The following DISP2 variants were observed in gnomAD, a reference collection of about 807,000 sequenced individuals.
The protein encoded by DISP2 is protein dispatched homolog 2.
In DISP2, 59 loss-of-function variants were observed where a neutral mutation model predicts 95.5. That is an observed-to-expected ratio of 0.62 (90% CI 0.50 to 0.77). The LOEUF (loss-of-function observed/expected upper bound fraction) is 0.77. Ranked by LOEUF, DISP2 falls within the 30% of genes least tolerant of loss-of-function variation. The probability of loss-of-function intolerance (pLI) is 0.00; values close to 1 mark genes in which losing one functional copy is unlikely to be tolerated. For missense variants in DISP2, 1,752 were observed against 1,854.6 expected (o/e 0.94, Z 1.02); for synonymous variants, 827 against 815.0 (o/e 1.01, Z -0.25).
chr15:40,363,042 G>A (rs1056945210), intron 1 of DISP2, among the ~76,000 whole-genome samples: 1 of 152,020 alleles, frequency 6.6e-6, no homozygotes, highest in Non-Finnish European at 1.5e-5. Flanking sequence ...GGTGGCTCAC[G>A]CCTGTAATCC....
chr15:40,362,332 C>G (rs1743414857), intron 1 of DISP2, among the ~76,000 whole-genome samples: 1 of 152,244 alleles, frequency 6.6e-6, no homozygotes, highest in African/African-American at 2.4e-5. Flanking sequence ...TCTGTGACTT[C>G]TCCACTCACA....
chr15:40,368,753 G>C lies in DISP2; in HGVS notation c.2641G>C (p.Glu881Gln), dbSNP rs1889568514. Residue 881 changes from glutamate to glutamine, a missense_variant, in exon 8 of 8, where the codon GAG (glutamate) becomes CAG (glutamine). Physicochemically the swap from Glu to Gln is conservative, Grantham distance 29 (BLOSUM62 2). This residue lies in a region of DISP2 where 317 missense variants were observed against 394.9 expected (regional missense o/e 0.80). Coordinates refer to ENST00000267889, the MANE Select transcript of DISP2 (RefSeq NM_033510.3). Reference protein sequence around the residue: ...FLHCLKMMALEQGPDGTQDLG... With the variant: ...FLHCLKMMALQQGPDGTQDLG... ...GCACTGCCTGAAAATGATGGCTCTG[G>C]AGCAAGGCCCCGATGGCACCCAGGA... 6.2e-7 allele frequency: 1 copy of C among 1,613,758 alleles called. No homozygotes were observed. Among genetic ancestry groups the C allele is most frequent in the Non-Finnish European group, 8.5e-7 (1 of 1,180,040 alleles).
Position 40,374,014 on chromosome 15 carries a change from A to ATATATATATATAT in DISP2, c.*3696_*3697insTATATATATATAT, listed in dbSNP as rs1555400588. 3 of 104,204 alleles carry ATATATATATATAT rather than the reference A, an allele frequency of 2.9e-5. No individual in the cohort carries two copies. Among genetic ancestry groups the ATATATATATATAT allele is most frequent in the African/African-American group, 1.3e-4 (3 of 23,990 alleles). The allele number at this position is 104,204 out of a possible 1,614,324, so 6.5% of individuals were successfully genotyped here. On this transcript the variant is annotated 3_prime_UTR_variant, in exon 8 of 8. Transcript: ENST00000267889. ...GCGAGACTCCATCTTAAAAAAAAAA[A>ATATATATATATAT]ATATATATATATATATATGTAAACT... is the stretch of plus-strand genomic sequence containing the variant.
chr15:40,370,285 G>A lies in DISP2; in HGVS notation c.4173G>A (p.Arg1391=). ...QPDLPDVWLR[R]PSTHTSGYSS The stretch of plus-strand genomic sequence containing the variant: ...ACCTGCCAGATGTTTGGCTGCGCAG[G>A]CCCAGCACTCACACGTCAGGCTATA... The change falls in exon 8 of 8, where the codon AGG becomes AGA. Residue 1391 remains arginine, a synonymous_variant. Transcript: ENST00000267889. 2 of 1,554,118 alleles carry A rather than the reference G, an allele frequency of 1.3e-6. No homozygotes were observed. The highest frequency in any genetic ancestry group is 1.7e-6 in the Non-Finnish European group (2 of 1,149,248).
At chr15:40,362,454 T>G (rs924838175) in intron 1 of DISP2, among the ~76,000 whole-genome samples, 3 of 152,222 alleles carry the variant, frequency 2.0e-5, no homozygotes, top group African/African-American at 7.2e-5. Flanking sequence ...CTAGCACTCA[T>G]TCAACAAACA....
chr15:40,367,245 G>A lies in DISP2; in HGVS notation c.1133G>A (p.Gly378Asp), dbSNP rs1344778193. 6.2e-7 allele frequency: 1 copy of A among 1,613,958 alleles called. No homozygotes were observed. The highest frequency in any genetic ancestry group is 1.6e-4 in the Middle Eastern group (1 of 6,062). The stretch of plus-strand genomic sequence containing the variant: ...ACCTGTGCCCTCTACTACCACAGTG[G>A]CGCCTTGGTGCCCTCTTGTCTGGGA... ...LRTCALYYHSGALVPSCLGPG... is the reference protein window; with the variant it reads ...LRTCALYYHSDALVPSCLGPG... Residue 378 changes from glycine (G) to aspartate (D), a missense_variant, in exon 8 of 8, where the codon GGC becomes GAC. Physicochemically the swap from Gly to Asp is moderately conservative, Grantham distance 94 (BLOSUM62 -1). Around this residue, in one of 5 missense-constraint regions of DISP2, gnomAD observed 732 missense variants for 714.6 expected, o/e 1.02. Transcript: ENST00000267889.
In DISP2 at chr15:40,370,299, C is replaced by G; in HGVS notation, c.4187C>G (p.Thr1396Arg). Reference protein sequence around the residue: ...DVWLRRPSTHTSGYSS With the variant: ...DVWLRRPSTHRSGYSS ...TGGCTGCGCAGGCCCAGCACTCACA[C>G]GTCAGGCTATAGCAGCTGAGGGGGA... Residue 1396 changes from threonine to arginine, a missense_variant, in exon 8 of 8, where the codon ACG becomes AGG. Thr to Arg is a moderately conservative substitution (Grantham distance 71). This residue lies in a region of DISP2 where 347 missense variants were observed against 344.2 expected (regional missense o/e 1.01). Coordinates refer to ENST00000267889, the MANE Select transcript of DISP2 (RefSeq NM_033510.3). 1 of 1,544,176 alleles carries G rather than the reference C, an allele frequency of 6.5e-7. No individual in the cohort carries two copies. Among genetic ancestry groups the G allele is most frequent in the Non-Finnish European group, 8.7e-7 (1 of 1,144,454 alleles).
chr15:40,365,668 G>T lies in DISP2; in HGVS notation c.888G>T (p.Ser296=). 2 of 1,614,106 alleles carry T rather than the reference G, an allele frequency of 1.2e-6. No homozygotes were observed. The highest frequency in any genetic ancestry group is 3.3e-4 in the Middle Eastern group (2 of 6,062). The change falls in exon 7 of 8, where the codon TCG becomes TCT. Residue 296 remains serine (S), a synonymous_variant. Transcript: ENST00000267889. ...AGCTGGTGTTCATGTCCACCTCCTCGGGCAGCCTATGGAACCTGCATGCCA... is the reference window on the plus strand; with the variant it reads ...AGCTGGTGTTCATGTCCACCTCCTCTGGCAGCCTATGGAACCTGCATGCCA... ...YAKLVFMSTS[S]GSLWNLHAIH...
intron 5 of DISP2, 64 bp from the exon 6 acceptor site, chr15:40,365,083 C>T (rs577157460): frequency 6.3e-7 from 1 of 1,592,190 alleles, no homozygotes; most frequent in East Asian, 2.2e-5. Flanking sequence ...GGGGAGTGGT[C>T]TCTGGCCTCC....
chr15:40,369,262 C>T lies in DISP2; in HGVS notation c.3150C>T (p.Ser1050=), dbSNP rs773735244. ...TGTGCCCACACCCTGACCGCCTGAG[C>T]CGTGTGGCCTTCTCTCTGCGCCAGA... ...YHLCPHPDRL[S]RVAFSLRQTS... is the part of the protein sequence containing the mutation. Residue 1050 remains serine, a synonymous_variant, in exon 8 of 8, where the codon AGC becomes AGT. Transcript: ENST00000267889. 21 of 1,613,744 alleles carry T rather than the reference C, an allele frequency of 1.3e-5. No individual in the cohort carries two copies. The highest frequency in any genetic ancestry group is 1.7e-5 in the Non-Finnish European group (20 of 1,180,048).
At position 40,368,702 on chromosome 15, in the gene DISP2, TTCCCCTGG is replaced by T; in HGVS notation, c.2591_2598del (p.Phe864CysfsTer29). The stretch of plus-strand genomic sequence containing the variant: ...TGACCTCTGCTGCGGCCACTCGGAC[TTCCCCTGG>T]GCCCCCCAGTTTTTCCTGCACTGCC... On this transcript the variant is annotated frameshift_variant, in exon 8 of 8. Coordinates refer to ENST00000267889, the MANE Select transcript of DISP2 (RefSeq NM_033510.3). LOFTEE classifies it high-confidence loss of function. The T allele has an allele frequency of 6.2e-7, 1 of 1,613,152 alleles. No individual in the cohort carries two copies. The highest frequency in any genetic ancestry group is 8.5e-7 in the Non-Finnish European group (1 of 1,180,026).
Position 40,368,144 on chromosome 15 carries a change from G to C in DISP2, c.2032G>C (p.Gly678Arg). The change falls in exon 8 of 8, where the codon GGC becomes CGC. Residue 678 changes from glycine to arginine, a missense_variant. This residue lies in a region of DISP2 where 732 missense variants were observed against 714.6 expected (regional missense o/e 1.02). Transcript: ENST00000267889. The part of the protein sequence containing the change: ...LLLALHRRLR[G>R]LRRAAAGTSR... The stretch of plus-strand genomic sequence containing the variant: ...GCTGGCGCTGCACCGGCGGCTCCGC[G>C]GCCTGCGGAGGGCGGCGGCTGGCAC... The C allele has an allele frequency of 2.0e-6, 3 of 1,505,298 alleles. No individual in the cohort carries two copies. The South Asian group carries it at 3.8e-5, about 19-fold the overall frequency. 93.2% of individuals were successfully genotyped at this position (1,505,298 alleles called of 1,614,324 possible). A position where few individuals can be genotyped will look rare whatever the true frequency, so the allele number is the denominator to read the frequency against.
At chr15:40,362,083 G>A (rs1236636909) in intron 1 of DISP2, among the ~76,000 whole-genome samples, 2 of 152,202 alleles carry the variant, frequency 1.3e-5, no homozygotes, top group Non-Finnish European at 2.9e-5. Context: ...ACAGAGTATT[G>A]CCCTTATGAG....
At chr15:40,358,900 C>T (rs1041332999) in intron 1 of DISP2, among the ~76,000 whole-genome samples, 3 of 152,260 alleles carry the variant, frequency 2.0e-5, no homozygotes, top group Admixed American at 6.5e-5. Flanking sequence ...TCGGCAGGCA[C>T]GTCAGGGACT....
chr15:40,367,037 C>A, intron 7 of DISP2, 21 bp from the exon 8 acceptor site: 1 of 1,603,304 alleles, frequency 6.2e-7, no homozygotes, highest in Non-Finnish European at 8.5e-7. Context: ...TGAACTCTCC[C>A]CTCCTGCGTG....
At chr15:40,364,795 T>C (rs1318072785) in intron 4 of DISP2, 43 bp from the exon 5 acceptor site, 3 of 1,586,510 alleles carry the variant, frequency 1.9e-6, no homozygotes, top group Non-Finnish European at 2.6e-6. Flanking sequence ...AATGGAGAAC[T>C]CCTACCCTGC....
rs1438307747 is a variant in DISP2 at position 40,370,406 on chromosome 15, T to G, written c.*88T>G. The G allele has an allele frequency of 6.7e-7, 1 of 1,493,574 alleles. No homozygotes were observed. Among genetic ancestry groups the G allele is most frequent in the Non-Finnish European group, 8.9e-7 (1 of 1,127,234 alleles). 92.5% of individuals were successfully genotyped at this position (1,493,574 alleles called of 1,614,324 possible). A position where few individuals can be genotyped will look rare whatever the true frequency, so the allele number is the denominator to read the frequency against. On this transcript the variant is annotated 3_prime_UTR_variant, in exon 8 of 8. Coordinates refer to ENST00000267889, the MANE Select transcript of DISP2 (RefSeq NM_033510.3). ...CAATAGGCTGGAGCCCGAAGGTATT[T>G]CTCCAGATCCACAGGGAGAGGTCTC...
rs140900895 is a variant in DISP2, at chr15:40,376,189, G to A, written c.*5871G>A. The A allele has an allele frequency of 1.6e-3, 239 of 152,198 alleles. 1 individual carries two copies. The highest frequency in any genetic ancestry group is 5.6e-3 in the African/African-American group (232 of 41,538). 9.4% of individuals were successfully genotyped at this position (152,198 alleles called of 1,614,324 possible). A position where few individuals can be genotyped will look rare whatever the true frequency, so the allele number is the denominator to read the frequency against. On this transcript the variant is annotated 3_prime_UTR_variant, in exon 8 of 8. Coordinates refer to ENST00000267889, the MANE Select transcript of DISP2 (RefSeq NM_033510.3). ...ATTTTTAAAAATAATTCAACTTCAG[G>A]TGAGACACAGTGGCTCATGCCTATA...
At position 40,369,453 on chromosome 15, in the gene DISP2, T is replaced by C. The variant is rs1434917975; in HGVS notation, c.3341T>C (p.Phe1114Ser). ...SFFFQSLCCF[F>S]GPEKNCGQIL... ...TTCTTCCAATCTCTCTGCTGTTTCT[T>C]CGGGCCAGAGAAGAACTGTGGGCAG... Residue 1114 changes from phenylalanine (F) to serine (S), a missense_variant, in exon 8 of 8, where the codon TTC (phenylalanine) becomes TCC (serine). Physicochemically the swap from Phe to Ser is radical, Grantham distance 155. Around this residue, in one of 5 missense-constraint regions of DISP2, gnomAD observed 317 missense variants for 394.9 expected, o/e 0.80. Transcript: ENST00000267889. 6.2e-7 allele frequency: 1 copy of C among 1,613,356 alleles called. No individual in the cohort carries two copies. Among genetic ancestry groups the C allele is most frequent in the Non-Finnish European group, 8.5e-7 (1 of 1,180,010 alleles).
Sources: gnomAD v4.1 joint callset for allele counts (sites outside exome capture counted in the v4.1 genomes callset) on GRCh38, gnomAD v4.1.1 for gene constraint, gnomAD v4.1.1 regional missense constraint, MANE v1.5 for transcripts, NCBI Gene and HGNC (gene_info 2026-07-23, HGNC 2026-07-21) for gene names.